DEDD: variants seen among roughly 807,000 people sequenced by gnomAD.
DEDD encodes the protein death effector domain containing.
A neutral mutation model predicts 29.2 loss-of-function variants in DEDD; 3 were observed. The ratio of observed to expected loss-of-function variants is 0.10; its 90% CI spans 0.05 to 0.27. The LOEUF (loss-of-function observed/expected upper bound fraction) is 0.27. DEDD is among the 10% of genes least tolerant of loss of function. The pLI is 1.00. For missense variants in DEDD, 261 were observed against 420.5 expected, an observed-to-expected ratio of 0.62 and a Z score of 3.32; for synonymous variants, 152 against 161.3, an observed-to-expected ratio of 0.94 and a Z score of 0.44.
chr1:161,123,505 G>A (rs929026425), intron 4 of DEDD, among the ~76,000 whole-genome samples: 5 of 151,932 alleles, frequency 3.3e-5, no homozygotes, highest in Non-Finnish European at 7.4e-5. Flanking sequence ...GCGTGCTGGC[G>A]GGCGCCTGTA....
rs1655934328 is a variant in DEDD, at chr1:161,124,425, G to A, written c.38C>T (p.Pro13Leu). ...ATGTTCCTGCTCACCATGCTCTTCT[G>A]GCCACACCTGGCTTGCCCGCCGCTT... Reference protein sequence around the residue: ...GLKRRASQVWPEEHGEQEHGL... With the variant: ...GLKRRASQVWLEEHGEQEHGL... The change falls in exon 3 of 6, where the codon CCA (proline) becomes CTA (leucine). Residue 13 changes from proline (P) to leucine (L), a missense_variant. Physicochemically the swap from Pro to Leu is moderately conservative, Grantham distance 98 (BLOSUM62 -3). This residue lies in a region of DEDD where 203 missense variants were observed against 268.7 expected (regional missense o/e 0.76). Coordinates refer to ENST00000368006, the MANE Select transcript of DEDD (RefSeq NM_032998.3). 6.2e-7 allele frequency: 1 copy of A among 1,608,356 alleles called. No homozygotes were observed. Among genetic ancestry groups the A allele is most frequent in the Non-Finnish European group, 8.5e-7 (1 of 1,175,364 alleles).
At chr1:161,130,665 A>G (rs1206980812) in intron 2 of DEDD, 150 bp downstream of exon 2, 1 of 152,244 alleles carries the variant, frequency 6.6e-6, no homozygotes, top group African/African-American at 2.4e-5. Flanking sequence ...GACAGTGATT[A>G]CAACAGATCT....
intron 2 of DEDD, among the ~76,000 whole-genome samples, chr1:161,125,884 TTA>T (rs958928687): frequency 7.9e-5 from 12 of 152,200 alleles, no homozygotes; most frequent in African/African-American, 2.4e-4. Context: ...TCCACATTCG[TTA>T]TATAGTTTGG....
At chr1:161,129,136 T>C (rs1219947715) in intron 2 of DEDD, among the ~76,000 whole-genome samples, 1 of 152,220 alleles carries the variant, frequency 6.6e-6, no homozygotes, top group Non-Finnish European at 1.5e-5. Context: ...CTAATCAGAC[T>C]TATATTGCTT....
At chr1:161,126,601 GA>G (rs200467449) in intron 2 of DEDD, among the ~76,000 whole-genome samples, 2,764 of 151,824 alleles carry the variant, frequency 0.018, 34 homozygotes, top group Non-Finnish European at 0.021. Context: ...CTCGGCCTCC[GA>G]AAGTGCTGAG....
At chr1:161,127,306 C>T (rs1411487786) in intron 2 of DEDD, among the ~76,000 whole-genome samples, 7 of 152,234 alleles carry the variant, frequency 4.6e-5, no homozygotes, top group Non-Finnish European at 8.8e-5. Context: ...GAACTACCCA[C>T]ACCATACCAC....
chr1:161,128,600 CAAAAG>C (rs940879774), intron 2 of DEDD, among the ~76,000 whole-genome samples: 1 of 151,578 alleles, frequency 6.6e-6, no homozygotes, highest in Non-Finnish European at 1.5e-5. Context: ...AACCCTGTCT[CAAAAG>C]AAAAAAGAAA....
At chr1:161,125,791 C>T (rs950173846) in intron 2 of DEDD, among the ~76,000 whole-genome samples, 2 of 152,178 alleles carry the variant, frequency 1.3e-5, no homozygotes, top group Admixed American at 6.5e-5. Context: ...CGTGAGCCAC[C>T]GTACCTGGCC....
At chr1:161,124,037 T>C (rs1655873231) in intron 3 of DEDD, 91 bp from the exon 4 acceptor site, 2 of 1,580,368 alleles carry the variant, frequency 1.3e-6, no homozygotes, top group South Asian at 2.4e-5. Flanking sequence ...TTACTCTAAG[T>C]ACTCCCCAGG....
intron 2 of DEDD, among the ~76,000 whole-genome samples, chr1:161,128,538 C>G (rs1656373523): frequency 6.6e-6 from 1 of 152,030 alleles, no homozygotes; most frequent in Non-Finnish European, 1.5e-5. Flanking sequence ...GAGGTCGAAG[C>G]TGCAGTGGGA....
At chr1:161,130,376 A>T (rs988185816) in intron 2 of DEDD, among the ~76,000 whole-genome samples, 1 of 152,222 alleles carries the variant, frequency 6.6e-6, no homozygotes. Flanking sequence ...GGAAGTCAGA[A>T]TTACATAGTA....
At position 161,122,916 on chromosome 1, in the gene DEDD, G is replaced by A; in HGVS notation, c.580+159C>T. 1 of 1,343,238 alleles carries A rather than the reference G, an allele frequency of 7.4e-7. No individual in the cohort carries two copies. The allele number at this position is 1,343,238 out of a possible 1,614,324, so 83.2% of individuals were successfully genotyped here. The stretch of plus-strand genomic sequence containing the variant: ...AAATGTACCCTGCCACAATCATAAA[G>A]AGCAGTTCTTCCACCAGACACCAAA... On this transcript the variant is annotated intron_variant, in intron 5 of 5. Transcript: ENST00000368006. The surrounding 1 kb of genome is among the most constrained non-coding windows in gnomAD (Gnocchi z 4.2).
Position 161,124,521 on chromosome 1 carries a change from A to G in DEDD, c.-59T>C. On this transcript the variant is annotated 5_prime_UTR_variant, in exon 3 of 6. Transcript: ENST00000368006. Reference sequence around the variant, plus strand: ...TCCCTGCTCAGCAGCTGCAATCCCCACCGTACTGAAAGGGCAGGGAAAGAA... The same window carrying G: ...TCCCTGCTCAGCAGCTGCAATCCCCGCCGTACTGAAAGGGCAGGGAAAGAA... The G allele has an allele frequency of 6.4e-7, 1 of 1,551,860 alleles. No homozygotes were observed. The highest frequency in any genetic ancestry group is 1.8e-5 in the Admixed American group (1 of 55,244).
rs200598673 is a variant in DEDD, at chr1:161,124,458, G to A, written c.5C>T (p.Ala2Val). The change falls in exon 3 of 6, where the codon GCG becomes GTG. Residue 2 changes from alanine (A) to valine (V), a missense_variant. Coordinates refer to ENST00000368006, the MANE Select transcript of DEDD (RefSeq NM_032998.3). The part of the protein sequence containing the change: M[A>V]GLKRRASQVW... ...CTGGCTTGCCCGCCGCTTTAGGCCC[G>A]CCATGCTGGGGGCTCAGGTACGCAA... 5.9e-5 allele frequency: 94 copies of A among 1,599,814 alleles called. No homozygotes were observed. In the East Asian group the frequency reaches 1.3e-3, roughly 23 times the overall value.
Position 161,122,850 on chromosome 1 carries a change from TAAC to T in DEDD, c.580+222_580+224del. 2 of 828,660 alleles carry T rather than the reference TAAC, an allele frequency of 2.4e-6. No individual in the cohort carries two copies. Among genetic ancestry groups the T allele is most frequent in the South Asian group, 1.7e-5 (1 of 59,348 alleles). 51.3% of individuals were successfully genotyped at this position (828,660 alleles called of 1,614,324 possible). On this transcript the variant is annotated intron_variant, in intron 5 of 5. Transcript: ENST00000368006. This position sits in a 1 kb window ranked among gnomAD's most constrained non-coding sequence, Gnocchi z 4.2. ...GGCTCATCCTACAATAAGGATGTCA[TAAC>T]AACATCCCTGTGATGTAGTATTAAC... is the stretch of plus-strand genomic sequence containing the variant.
At chr1:161,125,675 T>C (rs1656090219) in intron 2 of DEDD, among the ~76,000 whole-genome samples, 1 of 152,188 alleles carries the variant, frequency 6.6e-6, no homozygotes, top group Non-Finnish European at 1.5e-5. Flanking sequence ...CTAATTTTTG[T>C]ATTTTTAGTA....
At chr1:161,130,888 T>C (rs1656612932) in intron 1 of DEDD, 41 bp from the exon 2 acceptor site, 1 of 151,926 alleles carries the variant, frequency 6.6e-6, no homozygotes, top group Non-Finnish European at 1.5e-5. Flanking sequence ...CAAAAACAAA[T>C]AAGGAGGGGA....
rs1431454068 is a variant in DEDD at position 161,130,331 on chromosome 1, C to A, written c.-65+484G>T. ...TCTTAAAGATGGTTAAGAGTACATTCTTGCTGGTGGGATAGGAAATGTAAT... is the reference window on the plus strand; with the variant it reads ...TCTTAAAGATGGTTAAGAGTACATTATTGCTGGTGGGATAGGAAATGTAAT... On this transcript the variant is annotated intron_variant, in intron 2 of 5. Transcript: ENST00000368006. Among the ~76,000 whole-genome samples the A allele has an allele frequency of 2.0e-5, 3 of 152,166 alleles. No individual in the cohort carries two copies. The East Asian group carries it at 5.8e-4, about 29-fold the overall frequency.
At position 161,122,083 on chromosome 1, in the gene DEDD, A is replaced by T; in HGVS notation, c.*64T>A. 6.3e-7 allele frequency: 1 copy of T among 1,575,826 alleles called. No homozygotes were observed. The highest frequency in any genetic ancestry group is 8.6e-7 in the Non-Finnish European group (1 of 1,160,584). Reference sequence around the variant, plus strand: ...GTTGGAAGGGTAGAGAACAAACCCCAGAACAGTGTAAGCTCCAGAGGTGGG... The same window carrying T: ...GTTGGAAGGGTAGAGAACAAACCCCTGAACAGTGTAAGCTCCAGAGGTGGG... On this transcript the variant is annotated 3_prime_UTR_variant, in exon 6 of 6. Coordinates refer to ENST00000368006, the MANE Select transcript of DEDD (RefSeq NM_032998.3). This position sits in a 1 kb window ranked among gnomAD's most constrained non-coding sequence, Gnocchi z 4.2.
Sources: allele counts gnomAD v4.1 joint callset (sites outside exome capture counted in the v4.1 genomes callset), GRCh38; gene constraint gnomAD v4.1.1; regional missense constraint gnomAD v4.1.1; non-coding constraint Gnocchi (gnomAD v3.1); transcripts MANE v1.5; gene names NCBI Gene and HGNC (gene_info 2026-07-23, HGNC 2026-07-21).